PTP4A1: variants seen among roughly 807,000 people sequenced by gnomAD.
PTP4A1 encodes the protein protein tyrosine phosphatase type IVA 1.
PTP4A1 carries 9 observed loss-of-function variants against 20.5 expected under a neutral mutation model. The observed-to-expected ratio is 0.44, with a 90% CI of 0.26 to 0.77. The LOEUF (loss-of-function observed/expected upper bound fraction) is 0.77. Among genes scored for constraint, PTP4A1 ranks in the 30% least tolerant of loss-of-function variants. The probability of loss-of-function intolerance (pLI) is 0.19; values close to 1 mark genes in which losing one functional copy is unlikely to be tolerated. For synonymous variants in PTP4A1, 78 were observed against 67.4 expected, an observed-to-expected ratio of 1.16 and a Z score of -0.77; for missense variants, 137 against 218.8, an observed-to-expected ratio of 0.63 and a Z score of 2.36.
At chr6:63,568,565 T>C (rs1442978316), upstream of PTP4A1, among the ~76,000 whole-genome samples, 2 of 151,968 alleles carry the variant, frequency 1.3e-5, no homozygotes, top group Non-Finnish European at 1.5e-5. Context: ...ATTACCAAGA[T>C]GTAACACAGA....
At chr6:63,549,087 T>C in intron 2 of PTP4A1, 1 of 711,166 alleles carries the variant, frequency 1.4e-6, no homozygotes, top group South Asian at 1.5e-5. Context: ...GGTGATGGTG[T>C]TAACTCCTGC....
chr6:63,563,221 T>C (rs1777042017), intron 3 of PTP4A1, among the ~76,000 whole-genome samples: 1 of 152,230 alleles, frequency 6.6e-6, no homozygotes, highest in Admixed American at 6.5e-5. Context: ...AATTTCCTGA[T>C]ATGTGGTGTG....
chr6:63,574,273 TATA>T (rs1378306443), intron 1 of PTP4A1, among the ~76,000 whole-genome samples: 1 of 152,216 alleles, frequency 6.6e-6, no homozygotes, highest in Non-Finnish European at 1.5e-5. Context: ...GACTCTGCAG[TATA>T]ATAATGATTT....
intron 3 of PTP4A1, among the ~76,000 whole-genome samples, chr6:63,554,173 A>G (rs1004594948): frequency 5.9e-5 from 9 of 152,228 alleles, no homozygotes; most frequent in Non-Finnish European, 1.3e-4. Context: ...AATCCTCACC[A>G]GAAGTGTATT....
chr6:63,564,947 A>T (rs1777125777), intron 3 of PTP4A1, among the ~76,000 whole-genome samples: 1 of 152,230 alleles, frequency 6.6e-6, no homozygotes, highest in Non-Finnish European at 1.5e-5. Flanking sequence ...GCCCCAAGGA[A>T]ATGGTGCCTT....
At chr6:63,549,297 C>T in intron 2 of PTP4A1, 1 of 753,876 alleles carries the variant, frequency 1.3e-6, no homozygotes. Flanking sequence ...CAGCCACTTA[C>T]AGAGGATGGC....
rs138524150 is a variant in PTP4A1, at chr6:63,531,925, C to T, written c.-640+3841C>T. Among the ~76,000 whole-genome samples, 1,052 of 152,088 alleles carry T rather than the reference C, an allele frequency of 6.9e-3. 6 individuals are homozygous for T. Among genetic ancestry groups the T allele is most frequent in the Non-Finnish European group, 9.9e-3 (676 of 67,990 alleles). ...CAAGCAATTCTCTGCCTCAGCCTCC[C>T]GAGTAGCTGGAATTACAGGCATCCA... On this transcript the variant is annotated intron_variant, in intron 2 of 3. Coordinates refer to the PTP4A1 transcript ENST00000639568.
intron 1 of PTP4A1, among the ~76,000 whole-genome samples, chr6:63,525,238 T>C (rs962577468): frequency 3.9e-5 from 6 of 152,158 alleles, no homozygotes; most frequent in African/African-American, 1.2e-4. Flanking sequence ...TGCTAGTTAT[T>C]AGTACTCTTT....
At chr6:63,540,657 G>C (rs1775923345) in intron 2 of PTP4A1, among the ~76,000 whole-genome samples, 1 of 151,632 alleles carries the variant, frequency 6.6e-6, no homozygotes, top group East Asian at 1.9e-4. Context: ...AAAGAAAAAA[G>C]TTAGATGAAA....
At chr6:63,570,412 A>G (rs1474398466), upstream of PTP4A1, among the ~76,000 whole-genome samples, 1 of 152,218 alleles carries the variant, frequency 6.6e-6, no homozygotes, top group African/African-American at 2.4e-5. Flanking sequence ...TGTTACTTTC[A>G]TAGTAGGATA....
At chr6:63,543,917 T>C (rs1776080527) in intron 2 of PTP4A1, among the ~76,000 whole-genome samples, 1 of 152,226 alleles carries the variant, frequency 6.6e-6, no homozygotes, top group Non-Finnish European at 1.5e-5. Flanking sequence ...TCCCTTGTTA[T>C]TCTGTTTTTA....
intron 3 of PTP4A1, among the ~76,000 whole-genome samples, chr6:63,563,867 G>A (rs2149497785): frequency 6.6e-6 from 1 of 152,296 alleles, no homozygotes; most frequent in South Asian, 2.1e-4. Flanking sequence ...GAAAAACTGG[G>A]AATAGGATGC....
rs112421542 is a variant in PTP4A1 at position 63,578,115 on chromosome 6, G to A, written c.106-322G>A. ...TTGCTGCTAGCCCCTTTTGGTTAATGTTTCATCCCAATCCGGTATTACCAT... is the reference window on the plus strand; with the variant it reads ...TTGCTGCTAGCCCCTTTTGGTTAATATTTCATCCCAATCCGGTATTACCAT... On this transcript the variant is annotated intron_variant, in intron 2 of 5. Transcript: ENST00000626021. Among the ~76,000 whole-genome samples the A allele has an allele frequency of 6.0e-3, 908 of 152,136 alleles. 11 individuals carry two copies. Among genetic ancestry groups the A allele is most frequent in the African/African-American group, 0.021 (852 of 41,516 alleles).
chr6:63,539,682 T>A (rs1775869976), intron 2 of PTP4A1, among the ~76,000 whole-genome samples: 2 of 152,070 alleles, frequency 1.3e-5, no homozygotes. Flanking sequence ...GGCAGGGGAA[T>A]TGCTTGAACC....
Position 63,576,826 on chromosome 6 carries a change from T to G in PTP4A1, c.-55T>G, listed in dbSNP as rs1777893765. On this transcript the variant is annotated 5_prime_UTR_variant, in exon 2 of 6. Transcript: ENST00000626021. ...TCAGTTTCTTTGCATCATTTCTGTA[T>G]TCAATTTTTTTAATTATTTCATAAC... is the stretch of plus-strand genomic sequence containing the variant. 7.1e-7 allele frequency: 1 copy of G among 1,409,562 alleles called. No individual in the cohort carries two copies. The highest frequency in any genetic ancestry group is 2.5e-4 in the Middle Eastern group (1 of 3,986). 87.3% of individuals were successfully genotyped at this position (1,409,562 alleles called of 1,614,324 possible).
chr6:63,520,471 A>G (rs1356271056), upstream of PTP4A1, among the ~76,000 whole-genome samples: 1 of 152,066 alleles, frequency 6.6e-6, no homozygotes, highest in African/African-American at 2.4e-5. Flanking sequence ...TATCAAAAAT[A>G]CAAAAATTAG....
chr6:63,578,667 A>C, intron 3 of PTP4A1, 138 bp downstream of exon 3: 1 of 1,313,426 alleles, frequency 7.6e-7, no homozygotes, highest in Non-Finnish European at 1.0e-6. Context: ...TATTGTGCAG[A>C]ATCTTAATTT....
intron 2 of PTP4A1, among the ~76,000 whole-genome samples, chr6:63,545,014 C>A (rs375495312): frequency 6.6e-6 from 1 of 152,140 alleles, no homozygotes; most frequent in East Asian, 1.9e-4. Flanking sequence ...CAAATTATTA[C>A]CATGATAATT....
intron 2 of PTP4A1, among the ~76,000 whole-genome samples, chr6:63,545,131 C>G (rs917103401): frequency 5.3e-5 from 8 of 152,162 alleles, no homozygotes; most frequent in African/African-American, 1.9e-4. Context: ...AATATGTACT[C>G]ATTGATTCTC....
Sources: allele counts gnomAD v4.1 joint callset (sites outside exome capture counted in the v4.1 genomes callset), GRCh38; gene constraint gnomAD v4.1.1; transcripts MANE v1.5; gene names NCBI Gene and HGNC (gene_info 2026-07-23, HGNC 2026-07-21).